JARID2: variants seen among roughly 807,000 people sequenced by gnomAD.
JARID2 encodes jumonji and AT-rich interaction domain containing 2, also known as protein Jumonji.
A neutral mutation model predicts 125.6 loss-of-function variants in JARID2; 21 were observed. The observed-to-expected ratio is 0.17, with a 90% CI of 0.12 to 0.24. The LOEUF is 0.24. JARID2 is among the 10% of genes least tolerant of loss of function. The probability of loss-of-function intolerance (pLI) is 1.00; values close to 1 mark genes in which losing one functional copy is unlikely to be tolerated. For missense variants in JARID2, 1,303 were observed against 1,639.6 expected (o/e 0.79, Z 3.55); for synonymous variants, 736 against 661.6 (o/e 1.11, Z -1.73).
At chr6:15,394,109 A>G (rs10484355) in intron 2 of JARID2, among the ~76,000 whole-genome samples, 13,787 of 152,214 alleles carry the variant, frequency 0.091, 788 homozygotes, top group South Asian at 0.16. Flanking sequence ...ATTGTAAAGT[A>G]TATGAGCTAT....
chr6:15,501,245 C>T lies in JARID2; in HGVS notation c.2284C>T (p.His762Tyr). The T allele has an allele frequency of 6.2e-7, 1 of 1,613,610 alleles. No individual in the cohort carries two copies. The highest frequency in any genetic ancestry group is 8.5e-7 in the Non-Finnish European group (1 of 1,179,656). Residue 762 changes from histidine to tyrosine, a missense_variant, in exon 8 of 18, where the codon CAC (histidine) becomes TAC (tyrosine). Transcript: ENST00000341776. ...PRFEPKNGLI[H>Y]GVAPRNGFRS... is the part of the protein sequence containing the mutation. ...CTTCGAGCCCAAGAATGGGCTCATC[C>T]ACGGCGTGGCCCCCAGGAACGGCTT... is the stretch of plus-strand genomic sequence containing the variant.
intron 3 of JARID2, among the ~76,000 whole-genome samples, chr6:15,428,940 C>CAAA (rs56334116): frequency 8.6e-6 from 1 of 116,864 alleles, no homozygotes; most frequent in African/African-American, 3.0e-5. Context: ...ACCCCCCCCC[C>CAAA]AAAAAAAAAA....
chr6:15,273,930 CTTTTTTTT>C (rs71758457), intron 1 of JARID2, among the ~76,000 whole-genome samples: 1 of 141,848 alleles, frequency 7.0e-6, no homozygotes, highest in African/African-American at 2.6e-5. Flanking sequence ...TTGTCTATAT[CTTTTTTTT>C]TTTTTTTTAA....
chr6:15,285,413 C>G (rs1189658741), intron 1 of JARID2, among the ~76,000 whole-genome samples: 1 of 152,124 alleles, frequency 6.6e-6, no homozygotes, highest in Non-Finnish European at 1.5e-5. Context: ...GCGTGAGCCA[C>G]CGCGCCCAGC....
At chr6:15,413,274 A>G (rs1300692091) in intron 3 of JARID2, among the ~76,000 whole-genome samples, 1 of 151,982 alleles carries the variant, frequency 6.6e-6, no homozygotes, top group East Asian at 1.9e-4. Context: ...CGGCCTCCCA[A>G]AGTGTTGGGA....
At chr6:15,443,954 A>T (rs562867721) in intron 3 of JARID2, among the ~76,000 whole-genome samples, 1 of 152,372 alleles carries the variant, frequency 6.6e-6, no homozygotes, top group South Asian at 2.1e-4. Flanking sequence ...AGATTTCTTT[A>T]CGCAAATTCC....
intron 4 of JARID2, among the ~76,000 whole-genome samples, chr6:15,462,697 A>G (rs1023351158): frequency 5.3e-5 from 8 of 152,244 alleles, no homozygotes; most frequent in African/African-American, 1.9e-4. Context: ...CTGCAGCTAA[A>G]TGACAGTGCA....
rs78637689 is a variant in JARID2, at chr6:15,449,044, A to G, written c.324-2962A>G. ...ACAACCAAGCAGAAAACTGCTCCTC[A>G]TCTGTGATAGATGAAGCTCTGTGAT... is the stretch of plus-strand genomic sequence containing the variant. On this transcript the variant is annotated intron_variant, in intron 3 of 17. Coordinates refer to ENST00000341776, the MANE Select transcript of JARID2 (RefSeq NM_004973.4). 7.2e-3 allele frequency among the ~76,000 whole-genome samples: 1,097 copies of G among 151,976 alleles called. 13 individuals are homozygous for G. The highest frequency in any genetic ancestry group is 0.025 in the African/African-American group (1,043 of 41,436).
rs139257625 is a variant in JARID2 at position 15,316,704 on chromosome 6, T to G, written c.46-57413T>G. 5.3e-5 allele frequency among the ~76,000 whole-genome samples: 8 copies of G among 152,314 alleles called. No individual in the cohort carries two copies. In the East Asian group the frequency reaches 1.5e-3, roughly 29 times the overall value. On this transcript the variant is annotated intron_variant, in intron 1 of 17. Transcript: ENST00000341776. ...TTTTAGTAGAGACGGGGTTTCACCATGTTGGCCAGGCTGGTCTTGAACCCC... is the reference window on the plus strand; with the variant it reads ...TTTTAGTAGAGACGGGGTTTCACCAGGTTGGCCAGGCTGGTCTTGAACCCC...
At chr6:15,352,144 C>T (rs1180441960) in intron 1 of JARID2, among the ~76,000 whole-genome samples, 1 of 152,102 alleles carries the variant, frequency 6.6e-6, no homozygotes, top group Non-Finnish European at 1.5e-5. Flanking sequence ...CGTTGCCCTC[C>T]TGAAATCCTG....
chr6:15,423,835 T>C (rs1766606796), intron 3 of JARID2, among the ~76,000 whole-genome samples: 1 of 152,172 alleles, frequency 6.6e-6, no homozygotes, highest in African/African-American at 2.4e-5. Context: ...TGGTGACCAG[T>C]GTTTTGGGTT....
chr6:15,335,789 T>TC (rs1248949494), intron 1 of JARID2, among the ~76,000 whole-genome samples: 1 of 152,134 alleles, frequency 6.6e-6, no homozygotes, highest in Non-Finnish European at 1.5e-5. Context: ...AGGCTCTGTA[T>TC]CTCCTCCTCC....
chr6:15,317,511 G>T (rs1762218554), intron 1 of JARID2, among the ~76,000 whole-genome samples: 2 of 152,154 alleles, frequency 1.3e-5, no homozygotes, highest in Admixed American at 1.3e-4. Flanking sequence ...TACTTCAGTA[G>T]ACCTGGAGTC....
intron 1 of JARID2, among the ~76,000 whole-genome samples, chr6:15,358,549 T>C (rs910552590): frequency 2.0e-5 from 3 of 152,224 alleles, no homozygotes; most frequent in African/African-American, 7.2e-5. Context: ...GATAGCAGAT[T>C]GATTCTGTTT....
intron 3 of JARID2, among the ~76,000 whole-genome samples, chr6:15,448,077 C>G (rs996243541): frequency 6.6e-6 from 1 of 152,146 alleles, no homozygotes; most frequent in African/African-American, 2.4e-5. Context: ...GCAGACCTAC[C>G]CTTTTTAGAC....
At chr6:15,385,549 T>C (rs1455744020) in intron 2 of JARID2, among the ~76,000 whole-genome samples, 2 of 151,242 alleles carry the variant, frequency 1.3e-5, no homozygotes, top group Non-Finnish European at 2.9e-5. Flanking sequence ...ATTTATTATT[T>C]ATATAGATAA....
intron 3 of JARID2, among the ~76,000 whole-genome samples, chr6:15,429,879 G>C (rs1394678483): frequency 6.6e-6 from 1 of 152,142 alleles, no homozygotes; most frequent in East Asian, 1.9e-4. Context: ...AATGTACCGT[G>C]TAAATTTTAC....
chr6:15,472,886 TTA>T (rs1581613644), intron 5 of JARID2, among the ~76,000 whole-genome samples: 1 of 152,220 alleles, frequency 6.6e-6, no homozygotes, highest in East Asian at 1.9e-4. Context: ...TGAATCTTAT[TTA>T]GTCTGAGGTT....
In JARID2 at chr6:15,410,153, G is replaced by A. The variant is rs548507559; in HGVS notation, c.182-71G>A. The A allele has an allele frequency of 2.1e-6, 3 of 1,399,876 alleles. No homozygotes were observed. The East Asian group carries it at 7.0e-5, about 33-fold the overall frequency. 86.7% of individuals were successfully genotyped at this position (1,399,876 alleles called of 1,614,324 possible). ...GTCTGTCTTCATCAGCGTTGTGTAG[G>A]GTTAACTGTGGTAAAGTGCTGCCTC... On this transcript the variant is annotated intron_variant, in intron 2 of 17. Coordinates refer to ENST00000341776, the MANE Select transcript of JARID2 (RefSeq NM_004973.4).
Sources: allele counts gnomAD v4.1 joint callset (sites outside exome capture counted in the v4.1 genomes callset), GRCh38; gene constraint gnomAD v4.1.1; transcripts MANE v1.5; gene names NCBI Gene and HGNC (gene_info 2026-07-23, HGNC 2026-07-21).